ITGA4: variants seen among roughly 807,000 people sequenced by gnomAD.
ITGA4 encodes the protein integrin alpha-4.
ITGA4 carries 63 observed loss-of-function variants against 133.6 expected under a neutral mutation model. The ratio of observed to expected loss-of-function variants is 0.47; its 90% CI spans 0.38 to 0.58. The LOEUF is 0.58. Ranked by LOEUF, ITGA4 falls within the 20% of genes least tolerant of loss-of-function variation. The probability of loss-of-function intolerance (pLI) is 0.00; values close to 1 mark genes in which losing one functional copy is unlikely to be tolerated. For synonymous variants in ITGA4, 483 were observed against 438.0 expected (o/e 1.10, Z -1.28); for missense variants, 1,076 against 1,252.7 (o/e 0.86, Z 2.13).
chr2:181,534,957 AC>A, intron 27 of ITGA4, 22 bp downstream of exon 27: 1 of 1,537,056 alleles, frequency 6.5e-7, no homozygotes, highest in Non-Finnish European at 8.7e-7. Context: ...ACAATTACCA[AC>A]ATTAGTCTAC....
chr2:181,501,672 A>G (rs1325036442), intron 15 of ITGA4, among the ~76,000 whole-genome samples: 1 of 152,174 alleles, frequency 6.6e-6, no homozygotes, highest in Non-Finnish European at 1.5e-5. Context: ...GATGTCTGGC[A>G]TCTGAGAAAG....
chr2:181,486,063 A>C (rs756609512), intron 10 of ITGA4, 71 bp downstream of exon 10: 1 of 1,513,154 alleles, frequency 6.6e-7, no homozygotes, highest in South Asian at 1.3e-5. Flanking sequence ...ATATGATTAA[A>C]GTTTTGTATT....
chr2:181,534,265 T>TA lies in ITGA4; in HGVS notation c.2785-4dup. 20 of 1,551,948 alleles carry TA rather than the reference T, an allele frequency of 1.3e-5. No homozygotes were observed. Among genetic ancestry groups the TA allele is most frequent in the Non-Finnish European group, 1.8e-5 (20 of 1,124,158 alleles). On this transcript the variant is annotated splice_region_variant and splice_polypyrimidine_tract_variant and intron_variant, in intron 25 of 27. Transcript: ENST00000397033. ...CAGGCTATGGTGATCCTTCTTTTAT[T>TA]AAACAGGATGAGACTTCAGCACTCA...
At chr2:181,512,308 G>A (rs12478032) in intron 17 of ITGA4, among the ~76,000 whole-genome samples, 91,535 of 151,930 alleles carry the variant, frequency 0.6, 27,945 homozygotes, top group South Asian at 0.84. Flanking sequence ...GCAGGGAAAC[G>A]GGGAACTATT....
At chr2:181,517,490 T>C (rs1486225775) in intron 17 of ITGA4, among the ~76,000 whole-genome samples, 1 of 152,104 alleles carries the variant, frequency 6.6e-6, no homozygotes, top group Non-Finnish European at 1.5e-5. Flanking sequence ...TTAAGTTACA[T>C]GGATTCTGTG....
At chr2:181,477,245 C>CT (rs1335736746) in intron 4 of ITGA4, among the ~76,000 whole-genome samples, 1 of 152,000 alleles carries the variant, frequency 6.6e-6, no homozygotes, top group Admixed American at 6.6e-5. Context: ...AACACGATAC[C>CT]TGAAACCATA....
Position 181,535,448 on chromosome 2 carries a change from GAC to G in ITGA4, c.3022_3023del (p.Gln1008IlefsTer20). 1 of 1,607,442 alleles carries G rather than the reference GAC, an allele frequency of 6.2e-7. No individual in the cohort carries two copies. Among genetic ancestry groups the G allele is most frequent in the Non-Finnish European group, 8.5e-7 (1 of 1,176,960 alleles). On this transcript the variant is annotated frameshift_variant, in exon 28 of 28. Coordinates refer to ENST00000397033, the MANE Select transcript of ITGA4 (RefSeq NM_000885.6). LOFTEE classifies it high-confidence loss of function. ...TATTTTCAGGCTGGCTTCTTTAAAA[GAC>G]AATACAAATCTATCCTACAAGAAGA...
intron 10 of ITGA4, among the ~76,000 whole-genome samples, chr2:181,488,776 T>C (rs1685979224): frequency 1.3e-5 from 2 of 152,122 alleles, no homozygotes; most frequent in South Asian, 2.1e-4. Flanking sequence ...ACCAGGATGG[T>C]CTCTATCTCC....
In ITGA4 at chr2:181,535,786, A is replaced by G; in HGVS notation, c.*259A>G. 3.6e-6 allele frequency: 1 copy of G among 275,846 alleles called. No individual in the cohort carries two copies. Among genetic ancestry groups the G allele is most frequent in the Non-Finnish European group, 6.8e-6 (1 of 146,696 alleles). The allele number at this position is 275,846 out of a possible 1,614,324, so 17.1% of individuals were successfully genotyped here. A position where few individuals can be genotyped will look rare whatever the true frequency, so the allele number is the denominator to read the frequency against. On this transcript the variant is annotated 3_prime_UTR_variant, in exon 28 of 28. Coordinates refer to ENST00000397033, the MANE Select transcript of ITGA4 (RefSeq NM_000885.6). Reference sequence around the variant, plus strand: ...AGAGAAACACTAAAGCATTCAATTTATTCAAGAAAAGTAAGCCCTTGAAGA... The same window carrying G: ...AGAGAAACACTAAAGCATTCAATTTGTTCAAGAAAAGTAAGCCCTTGAAGA...
chr2:181,482,732 ATTG>A (rs1485189166), intron 9 of ITGA4, 81 bp downstream of exon 9: 1 of 1,350,354 alleles, frequency 7.4e-7, no homozygotes, highest in Admixed American at 1.8e-5. Context: ...GAGATCTGAG[ATTG>A]TTTTCAGGTT....
intron 2 of ITGA4, chr2:181,458,566 T>G: frequency 2.0e-6 from 1 of 493,634 alleles, no homozygotes. Flanking sequence ...AGAAATTTCT[T>G]ATGATACCTT....
rs1687146366 is a variant in ITGA4, at chr2:181,536,924, G to GGAAAGATTTCTTTATA, written c.*1398_*1413dup. On this transcript the variant is annotated 3_prime_UTR_variant, in exon 28 of 28. Coordinates refer to ENST00000397033, the MANE Select transcript of ITGA4 (RefSeq NM_000885.6). Reference sequence around the variant, plus strand: ...AAGGCAATGTGGAAAAACAATTCTGGGAAAGATTTCTTTATATGAAGTCCC... The same window carrying GGAAAGATTTCTTTATA: ...AAGGCAATGTGGAAAAACAATTCTGGGAAAGATTTCTTTATAGAAAGATTTCTTTATATGAAGTCCC... 1 of 453,422 alleles carries GGAAAGATTTCTTTATA rather than the reference G, an allele frequency of 2.2e-6. No homozygotes were observed. The highest frequency in any genetic ancestry group is 4.4e-6 in the Non-Finnish European group (1 of 226,528). 28.1% of individuals were successfully genotyped at this position (453,422 alleles called of 1,614,324 possible). A position where few individuals can be genotyped will look rare whatever the true frequency, so the allele number is the denominator to read the frequency against.
chr2:181,475,927 A>G lies in ITGA4; in HGVS notation c.556+639A>G, dbSNP rs1685664330. On this transcript the variant is annotated intron_variant, in intron 4 of 27. Coordinates refer to ENST00000397033, the MANE Select transcript of ITGA4 (RefSeq NM_000885.6). ...TCTGCAGCAAAACTAAAATCCAACA[A>G]TGCGTCTTTAGGAGCTAAGAAACAT... 4.0e-6 allele frequency: 6 copies of G among 1,507,270 alleles called. No homozygotes were observed. The Admixed American group carries it at 6.2e-5, about 15-fold the overall frequency. 93.4% of individuals were successfully genotyped at this position (1,507,270 alleles called of 1,614,324 possible). A position where few individuals can be genotyped will look rare whatever the true frequency, so the allele number is the denominator to read the frequency against.
chr2:181,487,967 A>C (rs571311117), intron 10 of ITGA4, among the ~76,000 whole-genome samples: 1 of 152,242 alleles, frequency 6.6e-6, no homozygotes, highest in Admixed American at 6.5e-5. Context: ...ATCACTGTTT[A>C]GTAAAACACT....
rs201153097 is a variant in ITGA4, at chr2:181,527,305, A to G, written c.2348A>G (p.Asn783Ser). ...GAATTTGTTTTTACCAGGTTTGTAA[A>G]CCCAACTTCATTTGTGTATGGATCA... The part of the protein sequence containing the change: ...EVKLTVHGFV[N>S]PTSFVYGSND... The change falls in exon 22 of 28, where the codon AAC becomes AGC. Residue 783 changes from asparagine to serine, a missense_variant. Around this residue, in one of 4 missense-constraint regions of ITGA4, gnomAD observed 365 missense variants for 421.4 expected, o/e 0.87. Transcript: ENST00000397033. 2.1e-5 allele frequency: 33 copies of G among 1,607,982 alleles called. No individual in the cohort carries two copies. The East Asian group carries it at 6.7e-4, about 33-fold the overall frequency.
chr2:181,474,402 A>C (rs1685627180), intron 2 of ITGA4, among the ~76,000 whole-genome samples: 1 of 152,220 alleles, frequency 6.6e-6, no homozygotes, highest in African/African-American at 2.4e-5. Flanking sequence ...TATTCCAATA[A>C]ATGTAAACAT....
At chr2:181,482,123 C>T (rs1005135174) in intron 7 of ITGA4, among the ~76,000 whole-genome samples, 3 of 152,126 alleles carry the variant, frequency 2.0e-5, no homozygotes, top group South Asian at 2.1e-4. Context: ...ACAACACTTC[C>T]GGTGCCCCCT....
rs191680775 is a variant in ITGA4, at chr2:181,537,479, A to T, written c.*1952A>T. On this transcript the variant is annotated 3_prime_UTR_variant, in exon 28 of 28. Coordinates refer to ENST00000397033, the MANE Select transcript of ITGA4 (RefSeq NM_000885.6). ...ACCCTACCACTTTAAGAAGACAGGG[A>T]TGGGTTATTCTTTTTTGGCAGGTAG... 58 of 452,864 alleles carry T rather than the reference A, an allele frequency of 1.3e-4. 1 individual carries two copies. Among genetic ancestry groups the T allele is most frequent in the African/African-American group, 1.1e-3 (55 of 49,752 alleles). 28.1% of individuals were successfully genotyped at this position (452,864 alleles called of 1,614,324 possible).
At chr2:181,458,622 C>G (rs1252061768) in intron 2 of ITGA4, 3 of 357,530 alleles carry the variant, frequency 8.4e-6, no homozygotes, top group South Asian at 3.0e-5. Context: ...ACATTTTAGA[C>G]TCTCTCAGCG....
Sources: gnomAD v4.1 joint callset for allele counts (sites outside exome capture counted in the v4.1 genomes callset) on GRCh38, gnomAD v4.1.1 for gene constraint, gnomAD v4.1.1 regional missense constraint, MANE v1.5 for transcripts, NCBI Gene and HGNC (gene_info 2026-07-23, HGNC 2026-07-21) for gene names.